Variants in OR2L13 observed in about 807,000 individuals in gnomAD.
OR2L13 encodes the protein olfactory receptor 2L13.
In OR2L13, 14 loss-of-function variants were observed where a neutral mutation model predicts 15.3. That is an observed-to-expected ratio of 0.91 (90% CI 0.60 to 1.43). OR2L13 has a LOEUF of 1.43. Ranked by LOEUF, OR2L13 falls within the 40% of genes most tolerant of loss-of-function variation. The pLI is 0.00. For missense variants in OR2L13, 367 were observed against 387.9 expected (o/e 0.95, Z 0.45); for synonymous variants, 152 against 142.9 (o/e 1.06, Z -0.45).
chr1:248,063,612 C>G, the OR2L13 span, among the ~76,000 whole-genome samples: 1 of 152,200 alleles, frequency 6.6e-6, no homozygotes, highest in African/African-American at 2.4e-5. Context: ...AGAAAATAGG[C>G]CTTCCATCAC....
the OR2L13 span, among the ~76,000 whole-genome samples, chr1:248,058,381 G>A: frequency 1.1e-4 from 16 of 152,052 alleles, no homozygotes; most frequent in South Asian, 1.2e-3. Flanking sequence ...TCCCTCCTCC[G>A]TCATCACCCC....
the OR2L13 span, among the ~76,000 whole-genome samples, chr1:247,967,909 C>T: frequency 9.9e-5 from 15 of 151,106 alleles, no homozygotes; most frequent in Admixed American, 2.0e-4. Context: ...CGTCCTCTTC[C>T]TCTTCTTCTT....
chr1:248,038,130 T>C, the OR2L13 span: 1 of 607,852 alleles, frequency 1.6e-6, no homozygotes, highest in Admixed American at 3.2e-5. Flanking sequence ...ATAAAAATAG[T>C]TTATATAGGG....
At chr1:247,990,972 G>A in the OR2L13 span, 3 of 1,489,024 alleles carry the variant, frequency 2.0e-6, no homozygotes, top group South Asian at 3.4e-5. Flanking sequence ...GGAGGAAGAA[G>A]GCCTATTCGA....
chr1:247,948,780 T>C, the OR2L13 span: 1 of 1,200,992 alleles, frequency 8.3e-7, no homozygotes, highest in Non-Finnish European at 1.2e-6. Context: ...TTGGAATGCA[T>C]CCCCTGCAGA....
upstream of OR2L13, among the ~76,000 whole-genome samples, chr1:248,090,454 A>G (rs1334979370): frequency 6.6e-6 from 1 of 152,066 alleles, no homozygotes; most frequent in Admixed American, 6.6e-5. Flanking sequence ...TCCACCCTCA[A>G]GTAGGCCCCG....
At chr1:248,083,671 G>T in the OR2L13 span, 35 of 1,575,778 alleles carry the variant, frequency 2.2e-5, no homozygotes, top group Non-Finnish European at 2.6e-5. Flanking sequence ...TGGTGTTTCA[G>T]GTTTACACAT....
At chr1:248,039,439 T>G in the OR2L13 span, 1 of 343,568 alleles carries the variant, frequency 2.9e-6, no homozygotes, top group East Asian at 5.9e-5. Context: ...TTTGTCTTTT[T>G]AATGGATTTT....
chr1:247,940,291 A>G, the OR2L13 span, among the ~76,000 whole-genome samples: 1 of 152,180 alleles, frequency 6.6e-6, no homozygotes. Flanking sequence ...CTAACAATTT[A>G]TCCTAAAAGT....
the OR2L13 span, among the ~76,000 whole-genome samples, chr1:248,012,505 T>G: frequency 6.6e-6 from 1 of 152,300 alleles, no homozygotes; most frequent in East Asian, 1.9e-4. Context: ...ATAAGGATTC[T>G]TCCCTCCTCA....
the OR2L13 span, among the ~76,000 whole-genome samples, chr1:248,069,098 A>C: frequency 2.6e-5 from 4 of 152,112 alleles, no homozygotes; most frequent in East Asian, 5.8e-4. Context: ...GGCAGGCCAA[A>C]ATTCAGATTC....
chr1:248,094,094 T>C (rs1362148904), upstream of OR2L13, among the ~76,000 whole-genome samples: 2 of 152,126 alleles, frequency 1.3e-5, no homozygotes, highest in East Asian at 3.8e-4. Context: ...AAAAAATTAA[T>C]AAATGCTTGA....
chr1:248,002,399 G>GTCAAACAATTACTCTCCTTCT, the OR2L13 span, among the ~76,000 whole-genome samples: 1 of 115,068 alleles, frequency 8.7e-6, no homozygotes, highest in African/African-American at 5.6e-5. Flanking sequence ...TAATACTTTG[G>GTCAAACAATTACTCTCCTTCT]CTCCAGCATA....
the OR2L13 span, among the ~76,000 whole-genome samples, chr1:247,993,809 G>GAGAGAGAA: frequency 1.8e-4 from 24 of 132,936 alleles, no homozygotes; most frequent in Non-Finnish European, 2.7e-4. Context: ...GAGAGAGAGA[G>GAGAGAGAA]AGAAAGAAAG....
At chr1:247,968,673 C>T in the OR2L13 span, among the ~76,000 whole-genome samples, 35 of 152,210 alleles carry the variant, frequency 2.3e-4, no homozygotes, top group Non-Finnish European at 2.4e-4. Context: ...AGGACATGAA[C>T]GCATCCTTTT....
the OR2L13 span, among the ~76,000 whole-genome samples, chr1:248,070,009 C>G: frequency 6.6e-6 from 1 of 151,908 alleles, no homozygotes; most frequent in Admixed American, 6.6e-5. Context: ...GACTTAGACT[C>G]CCACACAATA....
At chr1:248,025,441 A>G in the OR2L13 span, among the ~76,000 whole-genome samples, 1 of 149,334 alleles carries the variant, frequency 6.7e-6, no homozygotes, top group Non-Finnish European at 1.5e-5. Context: ...TTAAAAAGTC[A>G]GAAAACAACA....
chr1:247,994,376 G>A, the OR2L13 span, among the ~76,000 whole-genome samples: 2 of 152,102 alleles, frequency 1.3e-5, no homozygotes, highest in East Asian at 1.9e-4. Flanking sequence ...CAGCCGGGGC[G>A]ACAGAGCGAG....
At chr1:247,961,796 A>G in the OR2L13 span, among the ~76,000 whole-genome samples, 121,452 of 152,112 alleles carry the variant, frequency 0.8, 52,672 homozygotes, top group South Asian at 0.95. Context: ...TGCAGTTTAC[A>G]TTTTTGGATA....
Sources: gnomAD v4.1 joint callset for allele counts (sites outside exome capture counted in the v4.1 genomes callset) on GRCh38, gnomAD v4.1.1 for gene constraint, MANE v1.5 for transcripts, NCBI Gene and HGNC (gene_info 2026-07-23, HGNC 2026-07-21) for gene names.